Variants in TAFA5 observed in about 807,000 individuals in gnomAD.
The protein encoded by TAFA5 is TAFA chemokine like family member 5.
A neutral mutation model predicts 15.3 loss-of-function variants in TAFA5; 6 were observed. That is an observed-to-expected ratio of 0.39 (90% CI 0.21 to 0.77). The LOEUF is 0.77. TAFA5 is among the 30% of genes least tolerant of loss of function. TAFA5 has a pLI of 0.41. For missense variants in TAFA5, 161 were observed against 193.1 expected (o/e 0.83, Z 0.98); for synonymous variants, 103 against 80.7 (o/e 1.28, Z -1.48).
intron 2 of TAFA5, among the ~76,000 whole-genome samples, chr22:48,671,725 C>CA (rs1190598141): frequency 6.6e-6 from 1 of 152,198 alleles, no homozygotes. Context: ...CACAAGCAAA[C>CA]AGTGGCCCCT....
chr22:48,700,688 A>C (rs1928878250), intron 2 of TAFA5, among the ~76,000 whole-genome samples: 1 of 152,180 alleles, frequency 6.6e-6, no homozygotes, highest in Non-Finnish European at 1.5e-5. Flanking sequence ...CTCCAGGGGC[A>C]GGGCTCGTCC....
intron 1 of TAFA5, among the ~76,000 whole-genome samples, chr22:48,514,908 G>A (rs894898043): frequency 6.6e-6 from 1 of 152,252 alleles, no homozygotes; most frequent in Non-Finnish European, 1.5e-5. Context: ...AAACCATACA[G>A]GGTAAGCACT....
chr22:48,656,881 TC>T (rs1927271987), intron 2 of TAFA5, among the ~76,000 whole-genome samples: 1 of 150,842 alleles, frequency 6.6e-6, no homozygotes, highest in Non-Finnish European at 1.5e-5. Context: ...TTCTCTTGCC[TC>T]AGCCTCCCAA....
intron 1 of TAFA5, among the ~76,000 whole-genome samples, chr22:48,513,656 G>T (rs5767180): frequency 2.0e-5 from 3 of 152,224 alleles, no homozygotes; most frequent in Non-Finnish European, 4.4e-5. Context: ...CAGAGCCCGC[G>T]TCTGCCCTGT....
chr22:48,697,368 C>T (rs80351751), intron 2 of TAFA5, among the ~76,000 whole-genome samples: 19 of 81,096 alleles, frequency 2.3e-4, no homozygotes, highest in South Asian at 1.2e-3. Context: ...ATAATGATGA[C>T]GATGATGATG....
In TAFA5 at chr22:48,579,907, G is replaced by T. The variant is rs116182507; in HGVS notation, c.113-66690G>T. 3.7e-3 allele frequency among the ~76,000 whole-genome samples: 570 copies of T among 152,342 alleles called. 5 individuals are homozygous for T. Among genetic ancestry groups the T allele is most frequent in the African/African-American group, 0.013 (547 of 41,580 alleles). ...CCCGATCCTTTCTGAATGGGAGGGA[G>T]AACCCAGTGCCTCTTTCCTTTAAAT... On this transcript the variant is annotated intron_variant, in intron 1 of 3. Coordinates refer to ENST00000402357, the MANE Select transcript of TAFA5 (RefSeq NM_001082967.3).
At chr22:48,506,094 C>T (rs535568072) in intron 1 of TAFA5, among the ~76,000 whole-genome samples, 5 of 152,158 alleles carry the variant, frequency 3.3e-5, no homozygotes, top group South Asian at 2.1e-4. Flanking sequence ...GCACACCCCA[C>T]GGGGCTGTCC....
chr22:48,589,005 C>T (rs1205839233), intron 1 of TAFA5, among the ~76,000 whole-genome samples: 1 of 152,262 alleles, frequency 6.6e-6, no homozygotes, highest in Admixed American at 6.5e-5. Flanking sequence ...AGCAGGCCTT[C>T]TGATTCGCTT....
chr22:48,731,001 G>C (rs973276372), intron 3 of TAFA5, among the ~76,000 whole-genome samples: 1 of 152,144 alleles, frequency 6.6e-6, no homozygotes, highest in Non-Finnish European at 1.5e-5. Context: ...TAGGCCTCTC[G>C]CACCAGTCAG....
At chr22:48,720,533 C>T (rs1354071183) in intron 3 of TAFA5, among the ~76,000 whole-genome samples, 3 of 152,072 alleles carry the variant, frequency 2.0e-5, no homozygotes, top group Non-Finnish European at 2.9e-5. Flanking sequence ...GTTTACCTGG[C>T]GGGGACTGCG....
At chr22:48,527,911 A>G (rs776130049) in intron 1 of TAFA5, among the ~76,000 whole-genome samples, 40 of 152,206 alleles carry the variant, frequency 2.6e-4, no homozygotes, top group Non-Finnish European at 5.0e-4. Flanking sequence ...AACAGGTGCA[A>G]TCCCGCCTTC....
intron 2 of TAFA5, among the ~76,000 whole-genome samples, chr22:48,669,927 C>T (rs1157131560): frequency 6.6e-6 from 1 of 152,222 alleles, no homozygotes; most frequent in Non-Finnish European, 1.5e-5. Context: ...CTGGCTTCTC[C>T]ATTCAGTTAG....
chr22:48,563,100 T>G (rs1330600187), intron 1 of TAFA5, among the ~76,000 whole-genome samples: 1 of 152,214 alleles, frequency 6.6e-6, no homozygotes, highest in African/African-American at 2.4e-5. Context: ...ACCATTTCTC[T>G]GACATTTAGC....
intron 1 of TAFA5, among the ~76,000 whole-genome samples, chr22:48,642,972 G>A (rs1281650453): frequency 6.6e-6 from 1 of 152,138 alleles, no homozygotes; most frequent in Non-Finnish European, 1.5e-5. Flanking sequence ...AGGTTTTGGG[G>A]CCACTCAGGT....
Position 48,531,404 on chromosome 22 carries a change from C to A in TAFA5, c.112+41700C>A, listed in dbSNP as rs192012791. 8.5e-5 allele frequency among the ~76,000 whole-genome samples: 13 copies of A among 152,310 alleles called. 1 individual carries two copies. Among genetic ancestry groups the A allele is most frequent in the African/African-American group, 3.1e-4 (13 of 41,572 alleles). On this transcript the variant is annotated intron_variant, in intron 1 of 3. Coordinates refer to ENST00000402357, the MANE Select transcript of TAFA5 (RefSeq NM_001082967.3). Reference sequence around the variant, plus strand: ...GTGAGAGGGGCTTTCTTGCAGACAACGTGAGTCTTGCGGCCTCTGCAGGTG... The same window carrying A: ...GTGAGAGGGGCTTTCTTGCAGACAAAGTGAGTCTTGCGGCCTCTGCAGGTG...
intron 3 of TAFA5, among the ~76,000 whole-genome samples, chr22:48,728,166 A>T (rs1305793121): frequency 1.3e-5 from 2 of 152,244 alleles, no homozygotes; most frequent in Non-Finnish European, 2.9e-5. Flanking sequence ...CTCTACAAAA[A>T]GAGCCATAAA....
At position 48,529,937 on chromosome 22, in the gene TAFA5, AC is replaced by A. The variant is rs546588446; in HGVS notation, c.112+40236del. 2.3e-3 allele frequency among the ~76,000 whole-genome samples: 343 copies of A among 152,000 alleles called. 3 individuals carry two copies. Among genetic ancestry groups the A allele is most frequent in the South Asian group, 7.9e-3 (38 of 4,808 alleles). ...GGTGGGAGTTGGGGCATCTGGGACAACCCTTCTCCCTTCACAGGGTGTTGGA... is the reference window on the plus strand; with the variant it reads ...GGTGGGAGTTGGGGCATCTGGGACAACCTTCTCCCTTCACAGGGTGTTGGA... On this transcript the variant is annotated intron_variant, in intron 1 of 3. Coordinates refer to ENST00000402357, the MANE Select transcript of TAFA5 (RefSeq NM_001082967.3).
chr22:48,636,866 G>A (rs1024597057), intron 1 of TAFA5, among the ~76,000 whole-genome samples: 2 of 152,242 alleles, frequency 1.3e-5, no homozygotes, highest in African/African-American at 4.8e-5. Context: ...GCCCAAGGAG[G>A]ACAGCCTCAG....
At chr22:48,594,605 G>A (rs935753561) in intron 1 of TAFA5, among the ~76,000 whole-genome samples, 1 of 152,206 alleles carries the variant, frequency 6.6e-6, no homozygotes, top group Non-Finnish European at 1.5e-5. Context: ...TCATGCTCCC[G>A]TCGGCTGCCA....
Sources: gnomAD v4.1 joint callset for allele counts (sites outside exome capture counted in the v4.1 genomes callset) on GRCh38, gnomAD v4.1.1 for gene constraint, MANE v1.5 for transcripts, NCBI Gene and HGNC (gene_info 2026-07-23, HGNC 2026-07-21) for gene names.